TMEFF2: variants seen among roughly 807,000 people sequenced by gnomAD.
The protein encoded by TMEFF2 is transmembrane protein with EGF like and two follistatin like domains 2, also known as tomoregulin-2.
Under a neutral mutation model 53.8 loss-of-function variants are expected in TMEFF2, and 28 were observed. The ratio of observed to expected loss-of-function variants is 0.52; its 90% CI spans 0.39 to 0.71. The LOEUF is 0.71. Ranked by LOEUF, TMEFF2 falls within the 30% of genes least tolerant of loss-of-function variation. TMEFF2 has a pLI of 0.00. For synonymous variants in TMEFF2, 162 were observed against 166.3 expected (o/e 0.97, Z 0.20); for missense variants, 353 against 455.2 (o/e 0.78, Z 2.04).
At chr2:191,971,930 T>G (rs575639898) in intron 7 of TMEFF2, among the ~76,000 whole-genome samples, 1 of 151,822 alleles carries the variant, frequency 6.6e-6, no homozygotes, top group Non-Finnish European at 1.5e-5. Flanking sequence ...AAAGGAAGGA[T>G]GAGAAAGAGC....
chr2:191,956,429 A>G (rs1460827814), intron 7 of TMEFF2, 51 bp from the exon 8 acceptor site: 8 of 1,583,376 alleles, frequency 5.1e-6, no homozygotes, highest in Non-Finnish European at 6.9e-6. Flanking sequence ...TAGCCTGGTA[A>G]GATCAACCAG....
chr2:192,085,831 T>C (rs1208577169), intron 4 of TMEFF2, among the ~76,000 whole-genome samples: 1 of 152,112 alleles, frequency 6.6e-6, no homozygotes, highest in Non-Finnish European at 1.5e-5. Flanking sequence ...ACTTTCACCA[T>C]CATCTCACAG....
chr2:192,128,924 G>T (rs989527513), intron 4 of TMEFF2, among the ~76,000 whole-genome samples: 3 of 152,200 alleles, frequency 2.0e-5, no homozygotes, highest in Non-Finnish European at 2.9e-5. Context: ...AAACTCTCCA[G>T]TGTGTGGCAC....
chr2:192,127,663 CA>C (rs1689709342), intron 4 of TMEFF2, among the ~76,000 whole-genome samples: 1 of 99,394 alleles, frequency 1.0e-5, no homozygotes, highest in African/African-American at 4.0e-5. Flanking sequence ...AAAAATTGAG[CA>C]ACAGTACAAT....
chr2:192,148,809 T>G (rs1690315454), intron 4 of TMEFF2, among the ~76,000 whole-genome samples: 1 of 152,036 alleles, frequency 6.6e-6, no homozygotes, highest in African/African-American at 2.4e-5. Flanking sequence ...TTACGATTCA[T>G]TTTTGGCATA....
intron 4 of TMEFF2, among the ~76,000 whole-genome samples, chr2:192,138,067 C>T (rs1284232740): frequency 6.6e-6 from 1 of 152,144 alleles, no homozygotes; most frequent in Non-Finnish European, 1.5e-5. Flanking sequence ...GATCTGCCTG[C>T]CTTGGCCTCC....
At chr2:192,079,177 G>T (rs1431060157) in intron 4 of TMEFF2, among the ~76,000 whole-genome samples, 4 of 152,126 alleles carry the variant, frequency 2.6e-5, no homozygotes, top group African/African-American at 9.7e-5. Flanking sequence ...GGGCTTTAGG[G>T]TCAGCCCATT....
At chr2:192,135,505 T>C (rs1418814720) in intron 4 of TMEFF2, among the ~76,000 whole-genome samples, 4 of 151,980 alleles carry the variant, frequency 2.6e-5, no homozygotes, top group Non-Finnish European at 5.9e-5. Flanking sequence ...TTCCACAAAA[T>C]CTTCCTTCAG....
At chr2:191,956,080 T>G (rs1298290504) in intron 8 of TMEFF2, among the ~76,000 whole-genome samples, 175 bp downstream of exon 8, 1 of 43,172 alleles carries the variant, frequency 2.3e-5, no homozygotes, top group South Asian at 1.1e-3. Flanking sequence ...TTTGTTTTTT[T>G]TTAGTGTGTG....
chr2:192,144,477 G>A (rs1167355619), intron 4 of TMEFF2, among the ~76,000 whole-genome samples: 1 of 152,004 alleles, frequency 6.6e-6, no homozygotes, highest in African/African-American at 2.4e-5. Context: ...AGAGATAGGA[G>A]CCATCTTTAG....
intron 5 of TMEFF2, among the ~76,000 whole-genome samples, chr2:192,004,027 G>A (rs1484276911): frequency 6.6e-6 from 1 of 151,864 alleles, no homozygotes; most frequent in Non-Finnish European, 1.5e-5. Flanking sequence ...CCTTCTCAAG[G>A]GCAAGGTGTT....
rs185754088 is a variant in TMEFF2 at position 192,121,054 on chromosome 2, G to T, written c.439+58614C>A. The stretch of plus-strand genomic sequence containing the variant: ...CAGCCTGAACAAACATTTTTCTAGG[G>T]GCCTACTATGTACCTGAACTCTACT... On this transcript the variant is annotated intron_variant, in intron 4 of 9. Transcript: ENST00000272771. Among the ~76,000 whole-genome samples the T allele has an allele frequency of 3.9e-5, 6 of 151,930 alleles. No individual in the cohort carries two copies. The East Asian group carries it at 1.2e-3, about 29-fold the overall frequency.
intron 4 of TMEFF2, among the ~76,000 whole-genome samples, chr2:192,171,893 G>A (rs1690922968): frequency 6.6e-6 from 1 of 151,950 alleles, no homozygotes; most frequent in Admixed American, 6.6e-5. Context: ...AGTTCTACAA[G>A]GTTAAGAATT....
chr2:192,157,456 C>A lies in TMEFF2; in HGVS notation c.439+22212G>T, dbSNP rs138569741. ...AATAAAAACACATAAAAGTTAGTTT[C>A]TGTACTCTGTGGTTTTCTTAATTAT... is the stretch of plus-strand genomic sequence containing the variant. On this transcript the variant is annotated intron_variant, in intron 4 of 9. Transcript: ENST00000272771. Among the ~76,000 whole-genome samples the A allele has an allele frequency of 5.0e-3, 763 of 152,066 alleles. 8 individuals are homozygous for A. Among genetic ancestry groups the A allele is most frequent in the African/African-American group, 0.018 (736 of 41,504 alleles).
intron 2 of TMEFF2, among the ~76,000 whole-genome samples, chr2:192,190,453 G>T (rs1426449435): frequency 2.6e-5 from 4 of 152,134 alleles, no homozygotes; most frequent in Non-Finnish European, 5.9e-5. Flanking sequence ...GGGTAAGTAT[G>T]AATTGGGGAG....
chr2:191,962,584 T>G (rs1007955750), intron 7 of TMEFF2, among the ~76,000 whole-genome samples: 2 of 152,214 alleles, frequency 1.3e-5, no homozygotes, highest in Non-Finnish European at 2.9e-5. Flanking sequence ...TAACTCAGTT[T>G]CTATTTGTAA....
chr2:191,986,826 C>T (rs1685987516), intron 7 of TMEFF2, among the ~76,000 whole-genome samples: 2 of 148,954 alleles, frequency 1.3e-5, no homozygotes, highest in South Asian at 4.3e-4. Context: ...TCACTGCACT[C>T]CAGGCTGGGC....
At position 191,950,120 on chromosome 2, in the gene TMEFF2, C is replaced by G. The variant is rs1260108608; in HGVS notation, c.*191G>C. ...TTTATTTACATTACAGAAAAAACAT[C>G]AAGACAATGTATACTATTTCAAATA... is the stretch of plus-strand genomic sequence containing the variant. On this transcript the variant is annotated 3_prime_UTR_variant, in exon 10 of 10. Coordinates refer to ENST00000272771, the MANE Select transcript of TMEFF2 (RefSeq NM_016192.4). 27 of 1,333,486 alleles carry G rather than the reference C, an allele frequency of 2.0e-5. No homozygotes were observed. Among genetic ancestry groups the G allele is most frequent in the Non-Finnish European group, 3.8e-6 (4 of 1,042,096 alleles). 82.6% of individuals were successfully genotyped at this position (1,333,486 alleles called of 1,614,324 possible). A position where few individuals can be genotyped will look rare whatever the true frequency, so the allele number is the denominator to read the frequency against.
intron 7 of TMEFF2, among the ~76,000 whole-genome samples, chr2:191,992,342 C>T (rs1686126634): frequency 6.6e-6 from 1 of 151,912 alleles, no homozygotes; most frequent in Non-Finnish European, 1.5e-5. Flanking sequence ...TAGGTTTTTG[C>T]CACATGACTG....
Sources: gnomAD v4.1 joint callset for allele counts (sites outside exome capture counted in the v4.1 genomes callset) on GRCh38, gnomAD v4.1.1 for gene constraint, MANE v1.5 for transcripts, NCBI Gene and HGNC (gene_info 2026-07-23, HGNC 2026-07-21) for gene names.